The following G2E3 variants were observed in gnomAD, a reference collection of about 807,000 sequenced individuals.
G2E3 encodes G2/M phase-specific E3 ubiquitin-protein ligase.
In G2E3, 35 loss-of-function variants were observed where a neutral mutation model predicts 92.8. The observed-to-expected ratio is 0.38, with a 90% CI of 0.29 to 0.50. The LOEUF (loss-of-function observed/expected upper bound fraction) is 0.50, where lower values mean the gene tolerates loss of function less well. Ranked by LOEUF, G2E3 falls within the 20% of genes least tolerant of loss-of-function variation. G2E3 has a pLI of 0.94. For synonymous variants in G2E3, 242 were observed against 272.4 expected (o/e 0.89, Z 1.10); for missense variants, 554 against 823.8 (o/e 0.67, Z 4.01).
At chr14:30,607,856 T>C (rs756108126) in intron 11 of G2E3, 32 bp from the exon 12 acceptor site, 4 of 1,159,808 alleles carry the variant, frequency 3.4e-6, no homozygotes, top group Non-Finnish European at 5.0e-6. Context: ...ATAATAGAAG[T>C]GTATTTGATA....
At chr14:30,581,242 A>G (rs774527521) in intron 2 of G2E3, 126 bp downstream of exon 2, 8 of 586,174 alleles carry the variant, frequency 1.4e-5, no homozygotes, top group African/African-American at 3.9e-5. Flanking sequence ...ATACTAAAGT[A>G]TAATATTGCA....
In G2E3 at chr14:30,586,792, C is replaced by G. The variant is rs765257957; in HGVS notation, c.112C>G (p.Leu38Val). ...AAAGAAAACTAAGGAGAAATGGAAT[C>G]TCACTGTACATTACTACTGTTTGGT... is the stretch of plus-strand genomic sequence containing the variant. Reference protein sequence around the residue: ...GEKKTKEKWNLTVHYYCLLMS... With the variant: ...GEKKTKEKWNVTVHYYCLLMS... Residue 38 changes from leucine to valine, a missense_variant, in exon 3 of 15, where the codon CTC becomes GTC. Leu to Val is a conservative substitution (Grantham distance 32). Around this residue, in one of 3 missense-constraint regions of G2E3, gnomAD observed 137 missense variants for 201.3 expected, o/e 0.68. Transcript: ENST00000206595. 6.0e-6 allele frequency: 8 copies of G among 1,343,880 alleles called. No homozygotes were observed. The highest frequency in any genetic ancestry group is 8.3e-6 in the Non-Finnish European group (8 of 969,224). The allele number at this position is 1,343,880 out of a possible 1,614,324, so 83.2% of individuals were successfully genotyped here.
At chr14:30,581,469 G>GT in intron 2 of G2E3, among the ~76,000 whole-genome samples, 1 of 152,206 alleles carries the variant, frequency 6.6e-6, no homozygotes, top group Non-Finnish European at 1.5e-5. Context: ...CACTTTACGA[G>GT]GCTGAAGCAG....
rs80199187 is a variant in G2E3, at chr14:30,605,974, A to G, written c.1318+162A>G. ...CACAGGAAAGTGGGAAGGGGGAGTG[A>G]TAGTTTAAAAAGTAAATTTTGTGGT... On this transcript the variant is annotated intron_variant, in intron 11 of 14. Coordinates refer to ENST00000206595, the MANE Select transcript of G2E3 (RefSeq NM_017769.5). Among the ~76,000 whole-genome samples, 125 of 152,292 alleles carry G rather than the reference A, an allele frequency of 8.2e-4. No individual in the cohort carries two copies. The East Asian group carries it at 0.023, about 28-fold the overall frequency.
At chr14:30,560,872 C>T (rs1220819994) in intron 1 of G2E3, 1 of 694,874 alleles carries the variant, frequency 1.4e-6, no homozygotes, top group Non-Finnish European at 2.6e-6. Context: ...TTTCAAAACA[C>T]TGATTTGATC....
chr14:30,590,780 T>C (rs760784198), intron 4 of G2E3: 1 of 455,370 alleles, frequency 2.2e-6, no homozygotes, highest in South Asian at 1.6e-5. Context: ...ATTAGTATCA[T>C]AATTCCTAAA....
intron 6 of G2E3, 96 bp downstream of exon 6, chr14:30,593,735 C>G: frequency 1.2e-6 from 1 of 809,216 alleles, no homozygotes; most frequent in Non-Finnish European, 2.0e-6. Flanking sequence ...TGTATATTAC[C>G]TCTTACTACT....
In G2E3 at chr14:30,598,553, C is replaced by A. The variant is rs748548979; in HGVS notation, c.706C>A (p.Arg236=). ...GCAGCACTATGAGCGTTGTGATGTT[C>A]GAAGATGTCGTTGCAAAGAAGGGCG... ...LLQHYERCDV[R]RCRCKEGRDY... The change falls in exon 8 of 15, where the codon CGA becomes AGA. Residue 236 remains arginine (R), a synonymous_variant. Coordinates refer to ENST00000206595, the MANE Select transcript of G2E3 (RefSeq NM_017769.5). 3.1e-6 allele frequency: 5 copies of A among 1,613,604 alleles called. No homozygotes were observed. In the African/African-American group the frequency reaches 6.7e-5, roughly 22 times the overall value.
intron 1 of G2E3, among the ~76,000 whole-genome samples, chr14:30,562,815 A>C (rs1229921705): frequency 6.6e-6 from 1 of 152,120 alleles, no homozygotes; most frequent in Non-Finnish European, 1.5e-5. Context: ...GAAAGTACTA[A>C]AAGTCTTTGA....
chr14:30,598,745 T>TA lies in G2E3; in HGVS notation c.752+146_752+147insA, dbSNP rs1211447152. The TA allele has an allele frequency of 2.3e-5, 15 of 664,714 alleles. No individual in the cohort carries two copies. In the African/African-American group the frequency reaches 2.7e-4, roughly 12 times the overall value. 41.2% of individuals were successfully genotyped at this position (664,714 alleles called of 1,614,324 possible). ...ATGAGGGATATTTTCTAATGCACAT[T>TA]TACGTCTGTTTACAGAGAAATTTTT... On this transcript the variant is annotated intron_variant, in intron 8 of 14. Coordinates refer to ENST00000206595, the MANE Select transcript of G2E3 (RefSeq NM_017769.5).
In G2E3 at chr14:30,586,225, C is replaced by G. The variant is rs149073755; in HGVS notation, c.38-493C>G. 3.5e-3 allele frequency among the ~76,000 whole-genome samples: 538 copies of G among 152,298 alleles called. 4 individuals carry two copies. The highest frequency in any genetic ancestry group is 0.012 in the African/African-American group (513 of 41,568). ...TTAAAGAACAAGGTCCATTTTACCC[C>G]CTCTTGGACCAGTAATCTGCACCAG... On this transcript the variant is annotated intron_variant, in intron 2 of 14. Transcript: ENST00000206595.
At chr14:30,593,784 G>A (rs1881136440) in intron 6 of G2E3, 145 bp downstream of exon 6, 2 of 613,108 alleles carry the variant, frequency 3.3e-6, no homozygotes, top group Non-Finnish European at 2.8e-6. Context: ...TTAATTTGAA[G>A]CAGATTTTAC....
Position 30,618,171 on chromosome 14 carries a change from C to G in G2E3, c.*1637C>G, listed in dbSNP as rs976238417. 3 of 151,908 alleles carry G rather than the reference C, an allele frequency of 2.0e-5. No homozygotes were observed. Among genetic ancestry groups the G allele is most frequent in the Non-Finnish European group, 2.9e-5 (2 of 67,908 alleles). The allele number at this position is 151,908 out of a possible 1,614,324, so 9.4% of individuals were successfully genotyped here. ...TTTTTCAATCTGTACACTAACATAC[C>G]TAGCAAATTTGTTTTACTTTAACTT... On this transcript the variant is annotated 3_prime_UTR_variant, in exon 15 of 15. Coordinates refer to ENST00000206595, the MANE Select transcript of G2E3 (RefSeq NM_017769.5).
chr14:30,572,261 A>G (rs1027484145), intron 1 of G2E3, among the ~76,000 whole-genome samples: 3 of 151,890 alleles, frequency 2.0e-5, no homozygotes, highest in Non-Finnish European at 4.4e-5. Flanking sequence ...AGATGATCAT[A>G]TGTGAAAACA....
chr14:30,616,743 A>C lies in G2E3; in HGVS notation c.*209A>C. On this transcript the variant is annotated 3_prime_UTR_variant, in exon 15 of 15. Coordinates refer to ENST00000206595, the MANE Select transcript of G2E3 (RefSeq NM_017769.5). ...AGCATACTAGTCAAAATTGGTGATAATTTCTCATTTTCTTGATATAGATAC... is the reference window on the plus strand; with the variant it reads ...AGCATACTAGTCAAAATTGGTGATACTTTCTCATTTTCTTGATATAGATAC... The C allele has an allele frequency of 2.4e-6, 1 of 411,332 alleles. No homozygotes were observed. 25.5% of individuals were successfully genotyped at this position (411,332 alleles called of 1,614,324 possible). A position where few individuals can be genotyped will look rare whatever the true frequency, so the allele number is the denominator to read the frequency against.
In G2E3 at chr14:30,589,440, C is replaced by T; in HGVS notation, c.193C>T (p.Leu65=). The part of the protein sequence containing the change: ...GKEEEGVYGF[L]IEDIRKEVNR... The stretch of plus-strand genomic sequence containing the variant: ...AGAAGAAGAAGGAGTTTATGGTTTT[C>T]TAATAGAAGATATCAGGAAGGAAGT... Residue 65 remains leucine, a synonymous_variant, in exon 4 of 15, where the codon CTA becomes TTA. Transcript: ENST00000206595. 6.2e-7 allele frequency: 1 copy of T among 1,603,932 alleles called. No individual in the cohort carries two copies. Among genetic ancestry groups the T allele is most frequent in the South Asian group, 1.1e-5 (1 of 90,716 alleles).
chr14:30,560,930 G>A, intron 1 of G2E3: 1 of 624,376 alleles, frequency 1.6e-6, no homozygotes, highest in Admixed American at 2.6e-5. Flanking sequence ...ATGGAACTGG[G>A]GCCAGATTGC....
chr14:30,616,203 A>C (rs550484066), intron 14 of G2E3, 75 bp from the exon 15 acceptor site: 2 of 965,802 alleles, frequency 2.1e-6, no homozygotes, highest in South Asian at 2.8e-5. Context: ...TTTGGAGAAG[A>C]ATCTATGATG....
At chr14:30,588,574 T>C (rs1474594035) in intron 3 of G2E3, among the ~76,000 whole-genome samples, 3 of 152,198 alleles carry the variant, frequency 2.0e-5, no homozygotes, top group Non-Finnish European at 4.4e-5. Context: ...ACCCTTTTAA[T>C]ATTCTATTTC....
Sources: gnomAD v4.1 joint callset for allele counts (sites outside exome capture counted in the v4.1 genomes callset) on GRCh38, gnomAD v4.1.1 for gene constraint, gnomAD v4.1.1 regional missense constraint, MANE v1.5 for transcripts, NCBI Gene and HGNC (gene_info 2026-07-23, HGNC 2026-07-21) for gene names.